The following RUBCN variants were observed in gnomAD, a reference collection of about 807,000 sequenced individuals.
RUBCN encodes rubicon autophagy regulator.
Under a neutral mutation model 113.2 loss-of-function variants are expected in RUBCN, and 74 were observed. The observed-to-expected ratio is 0.65, with a 90% confidence interval of 0.54 to 0.79. The LOEUF is 0.79. Among genes scored for constraint, RUBCN ranks in the 30% least tolerant of loss-of-function variants. The pLI is 0.00. For synonymous variants in RUBCN, 480 were observed against 490.0 expected (o/e 0.98, Z 0.27); for missense variants, 1,109 against 1,251.7 (o/e 0.89, Z 1.72).
chr3:197,676,749 C>T (rs1469201680), intron 18 of RUBCN, 136 bp downstream of exon 18: 21 of 1,547,800 alleles, frequency 1.4e-5, no homozygotes, highest in Admixed American at 3.8e-5. Flanking sequence ...AACAGCAGCC[C>T]TTTCCAGTTC....
At chr3:197,690,824 C>T (rs1191742399) in intron 11 of RUBCN, among the ~76,000 whole-genome samples, 1 of 152,174 alleles carries the variant, frequency 6.6e-6, no homozygotes, top group Non-Finnish European at 1.5e-5. Context: ...AATTTATCAC[C>T]ATAGGGAAGG....
At position 197,675,112 on chromosome 3, in the gene RUBCN, A is replaced by G; in HGVS notation, c.2825T>C (p.Leu942Pro). Residue 942 changes from leucine to proline, a missense_variant, in exon 20 of 20, where the codon CTG (leucine) becomes CCG (proline). Around this residue, in one of 3 missense-constraint regions of RUBCN, gnomAD observed 306 missense variants for 348.9 expected, o/e 0.88. Transcript: ENST00000296343. This position sits in a 1 kb window ranked among gnomAD's most constrained non-coding sequence, Gnocchi z 4.4. ...GTAAGACTCCAGGCTCTGCCTGGCC[A>G]GTGCCTCCCGCCGGGCCTGCAGCCG... ...CERLQARREA[L>P]ARQSLESYLS... 5 of 1,613,588 alleles carry G rather than the reference A, an allele frequency of 3.1e-6. No individual in the cohort carries two copies. The highest frequency in any genetic ancestry group is 4.2e-6 in the Non-Finnish European group (5 of 1,179,994).
At chr3:197,745,186 G>A (rs1728685847) in intron 1 of RUBCN, among the ~76,000 whole-genome samples, 1 of 151,718 alleles carries the variant, frequency 6.6e-6, no homozygotes, top group African/African-American at 2.4e-5. Flanking sequence ...TCAGGAGGCT[G>A]AGGCAGGAGA....
intron 1 of RUBCN, among the ~76,000 whole-genome samples, chr3:197,722,146 G>A (rs1726241642): frequency 6.6e-6 from 1 of 152,050 alleles, no homozygotes; most frequent in Non-Finnish European, 1.5e-5. Context: ...AGGAGGCTGA[G>A]GCAGGAGAAT....
Position 197,731,180 on chromosome 3 carries a change from G to A in RUBCN, c.65+5475C>T, listed in dbSNP as rs1727417823. ...TTGTGTCCCTGGGTACTTGAGATTA[G>A]GGAGTGGTGATGACTCTTAAGGAGC... On this transcript the variant is annotated intron_variant, in intron 1 of 19. Coordinates refer to ENST00000296343, the MANE Select transcript of RUBCN (RefSeq NM_014687.4). 3.3e-5 allele frequency among the ~76,000 whole-genome samples: 5 copies of A among 151,790 alleles called. 1 individual carries two copies. The highest frequency in any genetic ancestry group is 3.3e-4 in the Admixed American group (5 of 15,248).
In RUBCN at chr3:197,683,525, AG is replaced by A; in HGVS notation, c.1848-87del. ...CCCTTCATGATCTCATCCCCCACGC[AG>A]CAACTTCTGGGCTGGAAGAACACCC... On this transcript the variant is annotated intron_variant, in intron 12 of 19. Transcript: ENST00000296343. This position sits in a 1 kb window ranked among gnomAD's most constrained non-coding sequence, Gnocchi z 4.6. 1.3e-6 allele frequency: 2 copies of A among 1,514,334 alleles called. No individual in the cohort carries two copies. Among genetic ancestry groups the A allele is most frequent in the Non-Finnish European group, 9.1e-7 (1 of 1,101,206 alleles). 93.8% of individuals were successfully genotyped at this position (1,514,334 alleles called of 1,614,324 possible). A position where few individuals can be genotyped will look rare whatever the true frequency, so the allele number is the denominator to read the frequency against.
intron 1 of RUBCN, among the ~76,000 whole-genome samples, chr3:197,746,498 A>C (rs1390141539): frequency 6.6e-6 from 1 of 152,218 alleles, no homozygotes; most frequent in East Asian, 1.9e-4. Flanking sequence ...AGAATAATTT[A>C]AAGTTTCAAC....
rs768889968 is a variant in RUBCN at position 197,704,566 on chromosome 3, G to A, written c.439C>T (p.Gln147Ter). ...AQLRPLLGDRQYIRKFYTDAA... is the reference protein window; with the variant it reads ...AQLRPLLGDR ...CCTGTGTAGAATTTTCTGATATACT[G>A]TCTATCCCCGAGCAGGGGCCGGAGC... The change falls in exon 4 of 20, where the codon CAG becomes TAG. Residue 147 changes from glutamine to a stop codon, truncating the protein, a stop_gained. Coordinates refer to ENST00000296343, the MANE Select transcript of RUBCN (RefSeq NM_014687.4). LOFTEE classifies it high-confidence loss of function. 1.9e-6 allele frequency: 3 copies of A among 1,614,072 alleles called. No homozygotes were observed. Among genetic ancestry groups the A allele is most frequent in the South Asian group, 1.1e-5 (1 of 91,086 alleles).
intron 1 of RUBCN, among the ~76,000 whole-genome samples, chr3:197,729,298 C>G (rs1026954931): frequency 6.6e-6 from 1 of 151,986 alleles, no homozygotes; most frequent in Non-Finnish European, 1.5e-5. Flanking sequence ...TGTCGCCCAG[C>G]CTGGAGTGCA....
Position 197,688,316 on chromosome 3 carries a change from C to T in RUBCN, c.1787-4099G>A, listed in dbSNP as rs190247607. On this transcript the variant is annotated intron_variant, in intron 11 of 19. Transcript: ENST00000296343. ...TTCTGGGATGACAGGTGTGAGCCAC[C>T]GCTGGTCTCAAACTCCTGACCTCAG... is the stretch of plus-strand genomic sequence containing the variant. Among the ~76,000 whole-genome samples, 452 of 150,782 alleles carry T rather than the reference C, an allele frequency of 3.0e-3. 1 individual carries two copies. Among genetic ancestry groups the T allele is most frequent in the African/African-American group, 0.01 (424 of 41,002 alleles).
At chr3:197,749,657 G>A (rs1367218138) in exon 1 of RUBCN, 1 of 805,024 alleles carries the variant, frequency 1.2e-6, no homozygotes, top group East Asian at 4.6e-5. Context: ...AGAGGTGCCC[G>A]CGGTCTAGCA....
chr3:197,685,996 T>C (rs1245142734), intron 11 of RUBCN, among the ~76,000 whole-genome samples: 1 of 152,070 alleles, frequency 6.6e-6, no homozygotes, highest in Non-Finnish European at 1.5e-5. Context: ...ATTTTCTGAA[T>C]AAATGATTAA....
chr3:197,679,285 T>TCTGA (rs1365254486), intron 16 of RUBCN, among the ~76,000 whole-genome samples: 1 of 146,502 alleles, frequency 6.8e-6, no homozygotes, highest in Non-Finnish European at 1.5e-5. Context: ...TGTCCTATGC[T>TCTGA]CTGACAACTG....
intron 1 of RUBCN, among the ~76,000 whole-genome samples, chr3:197,722,303 G>A (rs1281572968): frequency 6.6e-6 from 1 of 151,918 alleles, no homozygotes; most frequent in Non-Finnish European, 1.5e-5. Context: ...AGTTTGTTGA[G>A]ACCTGTTTTG....
chr3:197,676,696 G>C, intron 18 of RUBCN, 189 bp downstream of exon 18: 1 of 1,447,644 alleles, frequency 6.9e-7, no homozygotes, highest in Non-Finnish European at 9.0e-7. Context: ...CCTCACTCGA[G>C]GTTCTTTAGA....
intron 8 of RUBCN, among the ~76,000 whole-genome samples, chr3:197,696,721 G>A (rs111503471): frequency 3.5e-5 from 5 of 144,328 alleles, no homozygotes; most frequent in Admixed American, 2.0e-4. Flanking sequence ...TACCCGGTGC[G>A]AACACCCAGC....
intron 16 of RUBCN, among the ~76,000 whole-genome samples, chr3:197,678,720 G>A (rs1720792839): frequency 6.8e-6 from 1 of 146,992 alleles, no homozygotes; most frequent in South Asian, 2.2e-4. Flanking sequence ...ACTGACAACT[G>A]GCTTCAGACT....
At chr3:197,686,686 C>T (rs917328569) in intron 11 of RUBCN, among the ~76,000 whole-genome samples, 1 of 152,234 alleles carries the variant, frequency 6.6e-6, no homozygotes, top group African/African-American at 2.4e-5. Context: ...ATGGATTCAA[C>T]GTGTCCCAAG....
rs529393215 is a variant in RUBCN at position 197,723,507 on chromosome 3, G to T, written c.66-5377C>A. 3.5e-3 allele frequency among the ~76,000 whole-genome samples: 528 copies of T among 152,254 alleles called. 5 individuals carry two copies. The highest frequency in any genetic ancestry group is 7.3e-3 in the South Asian group (35 of 4,824). On this transcript the variant is annotated intron_variant, in intron 1 of 19. Transcript: ENST00000296343. ...GGCCCATAAAAAGTTATTTTAAACT[G>T]ACAGTGACTTAAGTTTGATCATAAA...
Sources: gnomAD v4.1 joint callset for allele counts (sites outside exome capture counted in the v4.1 genomes callset) on GRCh38, gnomAD v4.1.1 for gene constraint, gnomAD v4.1.1 regional missense constraint, Gnocchi (gnomAD v3.1) non-coding constraint, MANE v1.5 for transcripts, NCBI Gene and HGNC (gene_info 2026-07-23, HGNC 2026-07-21) for gene names.